NRXN2: variants seen among roughly 807,000 people sequenced by gnomAD.
The protein encoded by NRXN2 is neurexin-2-beta.
A neutral mutation model predicts 128.8 loss-of-function variants in NRXN2; 29 were observed. That is an observed-to-expected ratio of 0.23 (90% CI 0.17 to 0.31). The LOEUF is 0.31. Among genes scored for constraint, NRXN2 ranks in the 10% least tolerant of loss-of-function variants. NRXN2 has a pLI of 1.00. For missense variants in NRXN2, 1,881 were observed against 2,452.6 expected, an observed-to-expected ratio of 0.77 and a Z score of 4.92; for synonymous variants, 1,098 against 1,075.2, an observed-to-expected ratio of 1.02 and a Z score of -0.41.
At chr11:64,704,864 A>G (rs1346170117) in intron 2 of NRXN2, among the ~76,000 whole-genome samples, 1 of 152,224 alleles carries the variant, frequency 6.6e-6, no homozygotes, top group Non-Finnish European at 1.5e-5. Flanking sequence ...ATCTGAAAAA[A>G]GTTAAATCAA....
At chr11:64,709,253 G>A (rs1392422042) in intron 2 of NRXN2, among the ~76,000 whole-genome samples, 2 of 148,148 alleles carry the variant, frequency 1.3e-5, no homozygotes, top group Non-Finnish European at 3.0e-5. Context: ...ATTCACAACA[G>A]ATGATAAAGT....
chr11:64,673,373 A>G (rs977667868), intron 7 of NRXN2, among the ~76,000 whole-genome samples: 3 of 152,220 alleles, frequency 2.0e-5, no homozygotes, highest in African/African-American at 7.2e-5. Flanking sequence ...GTGCTCAAAC[A>G]ACATGAAAAT....
chr11:64,687,072 G>A (rs139331561), intron 5 of NRXN2, among the ~76,000 whole-genome samples: 204 of 152,320 alleles, frequency 1.3e-3, no homozygotes, highest in Middle Eastern at 3.4e-3. Flanking sequence ...TTAAGCAGTG[G>A]CACACAGCTG....
chr11:64,664,514 T>C (rs2049512167), intron 9 of NRXN2, among the ~76,000 whole-genome samples: 1 of 152,160 alleles, frequency 6.6e-6, no homozygotes, highest in South Asian at 2.1e-4. Flanking sequence ...TGGTAAATTT[T>C]TTTTGCTGTT....
At chr11:64,614,833 G>C (rs2041224258) in intron 22 of NRXN2, among the ~76,000 whole-genome samples, 1 of 152,274 alleles carries the variant, frequency 6.6e-6, no homozygotes, top group Non-Finnish European at 1.5e-5. Context: ...TTCCAGAGGA[G>C]CCAGGTCTTG....
At chr11:64,609,476 C>T (rs2040278993) in intron 22 of NRXN2, among the ~76,000 whole-genome samples, 1 of 152,218 alleles carries the variant, frequency 6.6e-6, no homozygotes, top group African/African-American at 2.4e-5. Context: ...ATGGGTCTCC[C>T]CATCTCTAGG....
intron 22 of NRXN2, among the ~76,000 whole-genome samples, chr11:64,614,572 A>G (rs1369294060): frequency 6.6e-6 from 1 of 152,222 alleles, no homozygotes; most frequent in Non-Finnish European, 1.5e-5. Context: ...TCCCCCAGAG[A>G]GCAGAATCTC....
intron 9 of NRXN2, chr11:64,661,490 G>T: frequency 1.1e-6 from 1 of 898,662 alleles, no homozygotes; most frequent in Non-Finnish European, 1.4e-6. Context: ...ATCATTCACT[G>T]GGTCATTCCT....
rs1832981578 is a variant in NRXN2 at position 64,607,032 on chromosome 11, C to A, written c.*164G>T. 1.4e-6 allele frequency: 1 copy of A among 729,746 alleles called. No individual in the cohort carries two copies. Among genetic ancestry groups the A allele is most frequent in the East Asian group, 2.7e-5 (1 of 36,758 alleles). The allele number at this position is 729,746 out of a possible 1,614,324, so 45.2% of individuals were successfully genotyped here. ...GCAGTGGACGGCAGGAGGAAGGGGGCGAGCACGGGGTTTTTCCTTTTCTTT... is the reference window on the plus strand; with the variant it reads ...GCAGTGGACGGCAGGAGGAAGGGGGAGAGCACGGGGTTTTTCCTTTTCTTT... On this transcript the variant is annotated 3_prime_UTR_variant, in exon 23 of 23. Transcript: ENST00000265459.
chr11:64,648,629 G>T lies in NRXN2; in HGVS notation c.3283+105C>A. The T allele has an allele frequency of 6.8e-7, 1 of 1,477,990 alleles. No individual in the cohort carries two copies. Among genetic ancestry groups the T allele is most frequent in the Non-Finnish European group, 9.4e-7 (1 of 1,059,906 alleles). The allele number at this position is 1,477,990 out of a possible 1,614,324, so 91.6% of individuals were successfully genotyped here. A position where few individuals can be genotyped will look rare whatever the true frequency, so the allele number is the denominator to read the frequency against. On this transcript the variant is annotated intron_variant, in intron 16 of 22. Coordinates refer to ENST00000265459, the MANE Select transcript of NRXN2 (RefSeq NM_015080.4). The surrounding 1 kb of genome is among the most constrained non-coding windows in gnomAD (Gnocchi z 4.1). ...GGCAAGCTCCCATAAGGCCTGAGAA[G>T]GAAGGCCCCTTGGCAGAGCAAAGGC...
At chr11:64,705,810 C>A (rs957747191) in intron 2 of NRXN2, among the ~76,000 whole-genome samples, 2 of 150,556 alleles carry the variant, frequency 1.3e-5, no homozygotes, top group African/African-American at 4.9e-5. Flanking sequence ...ACCGTGCAGA[C>A]CTGAAACTTC....
chr11:64,703,017 AG>A (rs2055728875), intron 2 of NRXN2, among the ~76,000 whole-genome samples: 1 of 151,240 alleles, frequency 6.6e-6, no homozygotes, highest in African/African-American at 2.4e-5. Flanking sequence ...TAAAAAAAAA[AG>A]ATCCAGGTCA....
chr11:64,667,126 G>T lies in NRXN2; in HGVS notation c.1798+124C>A. ...GGGAAGACGTGAGGGGGGTGGAGGA[G>T]AAGCGGCAGGGAAGAATATAGGAAA... On this transcript the variant is annotated intron_variant, in intron 9 of 22. Transcript: ENST00000265459. The surrounding 1 kb of genome is among the most constrained non-coding windows in gnomAD (Gnocchi z 5.6). The T allele has an allele frequency of 1.0e-6, 1 of 979,518 alleles. No homozygotes were observed. Among genetic ancestry groups the T allele is most frequent in the Non-Finnish European group, 1.6e-6 (1 of 637,720 alleles). The allele number at this position is 979,518 out of a possible 1,614,324, so 60.7% of individuals were successfully genotyped here. A position where few individuals can be genotyped will look rare whatever the true frequency, so the allele number is the denominator to read the frequency against.
Position 64,660,517 on chromosome 11 carries a change from T to C in NRXN2, c.2204A>G (p.Tyr735Cys). Residue 735 changes from tyrosine (Y) to cysteine (C), a missense_variant, in exon 11 of 23, where the codon TAC (tyrosine) becomes TGC (cysteine). Transcript: ENST00000265459. The surrounding 1 kb of genome is among the most constrained non-coding windows in gnomAD (Gnocchi z 5.2). ...VCEREATVLS[Y>C]DGSMYMKIML... ...GATCTTCATGTACATGGAGCCATCG[T>C]AGCTCAGGACCGTGGCCTCTGCCCA... The C allele has an allele frequency of 6.2e-7, 1 of 1,614,076 alleles. No homozygotes were observed. The highest frequency in any genetic ancestry group is 8.5e-7 in the Non-Finnish European group (1 of 1,180,014).
intron 6 of NRXN2, among the ~76,000 whole-genome samples, chr11:64,680,687 G>C (rs2052102155): frequency 6.6e-6 from 1 of 152,176 alleles, no homozygotes; most frequent in Non-Finnish European, 1.5e-5. Flanking sequence ...GATCCTTGAG[G>C]CCAGGGGCTA....
chr11:64,690,028 G>T (rs1482009034), intron 5 of NRXN2, among the ~76,000 whole-genome samples: 1 of 152,180 alleles, frequency 6.6e-6, no homozygotes, highest in Non-Finnish European at 1.5e-5. Flanking sequence ...GAATTTCCCT[G>T]GACTGGGCAC....
intron 9 of NRXN2, 92 bp from the exon 10 acceptor site, chr11:64,661,231 C>T (rs1434859329): frequency 1.3e-6 from 2 of 1,588,186 alleles, no homozygotes; most frequent in African/African-American, 1.3e-5. Flanking sequence ...CTTGTGTGGG[C>T]CCCTCCACCT....
chr11:64,635,733 A>C lies in NRXN2; in HGVS notation c.3404-281T>G, dbSNP rs2044611254. Among the ~76,000 whole-genome samples, 1 of 152,180 alleles carries C rather than the reference A, an allele frequency of 6.6e-6. No individual in the cohort carries two copies. The highest frequency in any genetic ancestry group is 2.1e-4 in the South Asian group (1 of 4,832). On this transcript the variant is annotated intron_variant, in intron 17 of 22. Transcript: ENST00000265459. This position sits in a 1 kb window ranked among gnomAD's most constrained non-coding sequence, Gnocchi z 4.8. ...AGAGGTAATAGAGTGACACAGAGAGAGAGCCCAGAGAGAAGCTGTAAGGAG... is the reference window on the plus strand; with the variant it reads ...AGAGGTAATAGAGTGACACAGAGAGCGAGCCCAGAGAGAAGCTGTAAGGAG...
chr11:64,639,608 C>T (rs2045348186), intron 17 of NRXN2, among the ~76,000 whole-genome samples: 1 of 152,070 alleles, frequency 6.6e-6, no homozygotes, highest in South Asian at 2.1e-4. Context: ...TGTGCCAGTC[C>T]TCCCATGCCC....
Sources: gnomAD v4.1 joint callset for allele counts (sites outside exome capture counted in the v4.1 genomes callset) on GRCh38, gnomAD v4.1.1 for gene constraint, Gnocchi (gnomAD v3.1) non-coding constraint, MANE v1.5 for transcripts, NCBI Gene and HGNC (gene_info 2026-07-23, HGNC 2026-07-21) for gene names.